Variants in CEP63 observed in about 807,000 individuals in gnomAD.
CEP63 encodes centrosomal protein of 63 kDa.
CEP63 carries 84 observed loss-of-function variants against 89.1 expected under a neutral mutation model. The observed-to-expected ratio is 0.94, with a 90% confidence interval of 0.79 to 1.13. The LOEUF is 1.13. Ranked by LOEUF, CEP63 falls within the 50% of genes most tolerant of loss-of-function variation. The probability of loss-of-function intolerance (pLI) is 0.00; values close to 1 mark genes in which losing one functional copy is unlikely to be tolerated. For missense variants in CEP63, 838 were observed against 813.3 expected, an observed-to-expected ratio of 1.03 and a Z score of -0.37; for synonymous variants, 267 against 272.5, an observed-to-expected ratio of 0.98 and a Z score of 0.20.
intron 10 of CEP63, among the ~76,000 whole-genome samples, chr3:134,581,074 A>G (rs4535272): frequency 0.32 from 48,915 of 152,030 alleles, 8,145 homozygotes; most frequent in African/African-American, 0.36. Context: ...GAGCCAAGGA[A>G]TGCAGGCAGC....
intron 12 of CEP63, chr3:134,552,619 A>G (rs544086871): frequency 6.6e-6 from 1 of 152,142 alleles, no homozygotes; most frequent in Non-Finnish European, 1.5e-5. Context: ...GACACTTAGT[A>G]AGTATGCAAT....
chr3:134,678,085 CTGG>C, the CEP63 span, among the ~76,000 whole-genome samples: 1 of 152,084 alleles, frequency 6.6e-6, no homozygotes, highest in South Asian at 2.1e-4. Context: ...CCTGGGCCAC[CTGG>C]TGCTGGGCTC....
intron 10 of CEP63, among the ~76,000 whole-genome samples, chr3:134,581,165 G>A (rs1313387136): frequency 1.3e-5 from 2 of 152,194 alleles, no homozygotes; most frequent in Non-Finnish European, 2.9e-5. Flanking sequence ...AACACCCTGA[G>A]TATAGCCCAG....
chr3:134,699,582 C>T, the CEP63 span, among the ~76,000 whole-genome samples: 2 of 152,218 alleles, frequency 1.3e-5, no homozygotes, highest in African/African-American at 4.8e-5. Flanking sequence ...ACCAGCTTTT[C>T]CTGGCCTCCC....
At chr3:134,606,305 C>T in the CEP63 span, among the ~76,000 whole-genome samples, 2 of 152,176 alleles carry the variant, frequency 1.3e-5, no homozygotes, top group Non-Finnish European at 2.9e-5. Context: ...CCTGGGCTCA[C>T]GGCAGAGCCC....
At chr3:134,626,709 A>T in the CEP63 span, among the ~76,000 whole-genome samples, 1 of 152,198 alleles carries the variant, frequency 6.6e-6, no homozygotes, top group Non-Finnish European at 1.5e-5. Flanking sequence ...CTTCTGGGCC[A>T]GCATGGTTTG....
chr3:134,514,398 G>T (rs540687435), intron 3 of CEP63, among the ~76,000 whole-genome samples: 2 of 152,204 alleles, frequency 1.3e-5, no homozygotes, highest in South Asian at 4.1e-4. Flanking sequence ...ATGAGAATGG[G>T]CACAAAAGAT....
chr3:134,665,423 G>A, the CEP63 span, among the ~76,000 whole-genome samples: 1 of 152,216 alleles, frequency 6.6e-6, no homozygotes, highest in Non-Finnish European at 1.5e-5. Flanking sequence ...CCCAAGGCAG[G>A]CGGGCCCAGG....
At chr3:134,637,020 C>CT in the CEP63 span, among the ~76,000 whole-genome samples, 46 of 152,284 alleles carry the variant, frequency 3.0e-4, no homozygotes, top group African/African-American at 9.9e-4. Flanking sequence ...ACAATACTGT[C>CT]TTTTTTGTGT....
chr3:134,609,217 A>G, the CEP63 span, among the ~76,000 whole-genome samples: 7 of 152,340 alleles, frequency 4.6e-5, no homozygotes, highest in Admixed American at 3.9e-4. Context: ...CACTGCCTCC[A>G]TCTACCCCAA....
chr3:134,764,814 G>A, the CEP63 span, among the ~76,000 whole-genome samples: 1,874 of 152,266 alleles, frequency 0.012, 16 homozygotes, highest in Non-Finnish European at 0.019. Flanking sequence ...AGAATAAACT[G>A]AGCTTGACTA....
the CEP63 span, among the ~76,000 whole-genome samples, chr3:134,759,208 G>A: frequency 6.6e-6 from 1 of 152,284 alleles, no homozygotes; most frequent in African/African-American, 2.4e-5. Context: ...GCCACTAAGC[G>A]TGTGGTAATT....
chr3:134,624,932 C>T, the CEP63 span: 1 of 854,862 alleles, frequency 1.2e-6, no homozygotes, highest in Non-Finnish European at 1.9e-6. Flanking sequence ...AAAGGCATTC[C>T]AGGGCCATCC....
At chr3:134,565,775 A>AT (rs1162501120), downstream of CEP63, among the ~76,000 whole-genome samples, 2 of 151,492 alleles carry the variant, frequency 1.3e-5, no homozygotes, top group South Asian at 2.1e-4. Context: ...TGCCCATAAG[A>AT]TAAAAAAAAA....
chr3:134,778,085 A>T, the CEP63 span, among the ~76,000 whole-genome samples: 1 of 142,516 alleles, frequency 7.0e-6, no homozygotes, highest in East Asian at 2.1e-4. Context: ...AAGCACAAAT[A>T]GTTCCACGTC....
chr3:134,543,735 G>A (rs1952552107), intron 6 of CEP63, among the ~76,000 whole-genome samples: 1 of 152,168 alleles, frequency 6.6e-6, no homozygotes, highest in African/African-American at 2.4e-5. Context: ...CAGATTAAGG[G>A]TAGGACTAAG....
chr3:134,721,548 C>A, the CEP63 span, among the ~76,000 whole-genome samples: 1 of 152,164 alleles, frequency 6.6e-6, no homozygotes, highest in African/African-American at 2.4e-5. Context: ...TGTTCCTGAT[C>A]TTTGAGGGAA....
chr3:134,544,193 A>C (rs1952684729), intron 6 of CEP63, among the ~76,000 whole-genome samples: 1 of 152,196 alleles, frequency 6.6e-6, no homozygotes, highest in African/African-American at 2.4e-5. Flanking sequence ...TTGTATTTCT[A>C]AAGTAAAATT....
the CEP63 span, among the ~76,000 whole-genome samples, chr3:134,767,056 G>A: frequency 1.3e-5 from 2 of 152,162 alleles, no homozygotes; most frequent in South Asian, 4.2e-4. Flanking sequence ...GCTTTGCTCT[G>A]AAGGGGGATC....
Sources: allele counts gnomAD v4.1 joint callset (sites outside exome capture counted in the v4.1 genomes callset), GRCh38; gene constraint gnomAD v4.1.1; transcripts MANE v1.5; gene names NCBI Gene and HGNC (gene_info 2026-07-23, HGNC 2026-07-21).